The following MTA3 variants were observed in gnomAD, a reference collection of about 807,000 sequenced individuals.
The protein encoded by MTA3 is metastasis-associated protein MTA3.
MTA3 carries 34 observed loss-of-function variants against 83.5 expected under a neutral mutation model. That is an observed-to-expected ratio of 0.41 (90% confidence interval 0.31 to 0.54). The LOEUF is 0.54. Among genes scored for constraint, MTA3 ranks in the 20% least tolerant of loss-of-function variants. The probability of loss-of-function intolerance (pLI) is 0.33; values close to 1 mark genes in which losing one functional copy is unlikely to be tolerated. For missense variants in MTA3, 761 were observed against 726.4 expected (o/e 1.05, Z -0.55); for synonymous variants, 303 against 252.7 (o/e 1.20, Z -1.89).
chr2:42,644,087 A>G, intron 5 of MTA3, 40 bp from the exon 6 acceptor site: 1 of 1,206,718 alleles, frequency 8.3e-7, no homozygotes, highest in South Asian at 1.4e-5. Context: ...AAGAAGTAGA[A>G]GGAATTAAGT....
At chr2:42,670,570 T>C (rs987452748) in intron 8 of MTA3, among the ~76,000 whole-genome samples, 4 of 152,066 alleles carry the variant, frequency 2.6e-5, no homozygotes, top group Admixed American at 2.0e-4. Context: ...TGTTTCAAAG[T>C]TGCTTTCCTT....
intron 2 of MTA3, among the ~76,000 whole-genome samples, chr2:42,524,169 G>A (rs1227039277): frequency 6.6e-6 from 1 of 152,082 alleles, no homozygotes; most frequent in Non-Finnish European, 1.5e-5. Context: ...TCAAGCCATT[G>A]GAGACACAAA....
chr2:42,525,447 G>A (rs749951487), intron 2 of MTA3, among the ~76,000 whole-genome samples: 2 of 129,028 alleles, frequency 1.6e-5, no homozygotes, highest in Non-Finnish European at 3.4e-5. Flanking sequence ...CAATCTGCCC[G>A]TCTCAGCCTC....
intron 16 of MTA3, among the ~76,000 whole-genome samples, chr2:42,749,913 C>T (rs1469001039): frequency 2.0e-5 from 3 of 152,184 alleles, no homozygotes; most frequent in Non-Finnish European, 4.4e-5. Flanking sequence ...TAAGAAAAAA[C>T]AACATACTAT....
At chr2:42,624,899 G>A (rs762829341) in intron 4 of MTA3, among the ~76,000 whole-genome samples, 11 of 152,046 alleles carry the variant, frequency 7.2e-5, no homozygotes, top group East Asian at 1.9e-4. Flanking sequence ...TCCATTCTTC[G>A]CATGTTATCT....
rs775257729 is a variant in MTA3, at chr2:42,531,557, A to T, written c.-141+36303A>T. Reference sequence around the variant, plus strand: ...AACCTCTGCCTCCCGGGTTCAAGCAATTCTCCTGCCTCAGCCTCCCGAGTA... The same window carrying T: ...AACCTCTGCCTCCCGGGTTCAAGCATTTCTCCTGCCTCAGCCTCCCGAGTA... On this transcript the variant is annotated intron_variant, in intron 2 of 17. Coordinates refer to the MTA3 transcript ENST00000405592. Among the ~76,000 whole-genome samples the T allele has an allele frequency of 4.7e-5, 7 of 148,512 alleles. No individual in the cohort carries two copies. In the Admixed American group the frequency reaches 4.8e-4, roughly 10 times the overall value.
chr2:42,651,032 T>C (rs2037884), intron 6 of MTA3, among the ~76,000 whole-genome samples: 120,740 of 152,178 alleles, frequency 0.79, 48,767 homozygotes, highest in African/African-American at 0.94. Flanking sequence ...TATGGTATAG[T>C]CTATTGCTCC....
At chr2:42,531,826 G>C (rs566527467) in intron 2 of MTA3, among the ~76,000 whole-genome samples, 1 of 150,530 alleles carries the variant, frequency 6.6e-6, no homozygotes, top group Admixed American at 6.6e-5. Flanking sequence ...GCACAATCTC[G>C]GCTCACTGCA....
At chr2:42,741,743 T>C (rs1343576553) in intron 16 of MTA3, among the ~76,000 whole-genome samples, 2 of 152,134 alleles carry the variant, frequency 1.3e-5, no homozygotes, top group African/African-American at 2.4e-5. Context: ...TCCCATCTTA[T>C]ATGGGCATGG....
chr2:42,548,586 G>A (rs189089214), intron 2 of MTA3, among the ~76,000 whole-genome samples: 18 of 150,528 alleles, frequency 1.2e-4, no homozygotes, highest in African/African-American at 4.4e-4. Context: ...GAGCCCGGGA[G>A]TTCAAGACCA....
At chr2:42,667,843 A>C (rs1367586734) in intron 8 of MTA3, among the ~76,000 whole-genome samples, 1 of 152,158 alleles carries the variant, frequency 6.6e-6, no homozygotes. Context: ...TGTATATACC[A>C]CATTATGTTA....
intron 3 of MTA3, among the ~76,000 whole-genome samples, chr2:42,603,833 C>G (rs1682881730): frequency 6.6e-6 from 1 of 152,020 alleles, no homozygotes; most frequent in South Asian, 2.1e-4. Flanking sequence ...TCACTGCAAG[C>G]CCCGCCTCCC....
chr2:42,554,445 C>G (rs1479377994), intron 2 of MTA3, among the ~76,000 whole-genome samples: 4 of 152,060 alleles, frequency 2.6e-5, no homozygotes, highest in Non-Finnish European at 5.9e-5. Context: ...TTCCTAAATT[C>G]TGATAAAAGT....
At chr2:42,498,882 C>T (rs1324726576) in intron 2 of MTA3, among the ~76,000 whole-genome samples, 1 of 152,132 alleles carries the variant, frequency 6.6e-6, no homozygotes, top group African/African-American at 2.4e-5. Context: ...GCCCTTGACC[C>T]ATCAGTAACT....
intron 14 of MTA3, among the ~76,000 whole-genome samples, chr2:42,713,718 T>C (rs1023785834): frequency 6.6e-6 from 1 of 152,222 alleles, no homozygotes; most frequent in African/African-American, 2.4e-5. Flanking sequence ...TGTCCCTTGC[T>C]GCTTTTTACT....
intron 15 of MTA3, 120 bp from the exon 16 acceptor site, chr2:42,722,769 C>T: frequency 8.4e-7 from 1 of 1,196,426 alleles, no homozygotes; most frequent in Non-Finnish European, 1.2e-6. Context: ...CCTTGGCTGG[C>T]TCAGGAGGAA....
intron 3 of MTA3, among the ~76,000 whole-genome samples, chr2:42,584,537 T>C (rs1017422842): frequency 1.3e-5 from 2 of 152,124 alleles, no homozygotes; most frequent in African/African-American, 4.8e-5. Flanking sequence ...AGTTGGAGAC[T>C]TCAGTGTATT....
intron 3 of MTA3, among the ~76,000 whole-genome samples, chr2:42,598,782 A>G (rs1233660651): frequency 1.3e-5 from 2 of 152,208 alleles, no homozygotes; most frequent in Non-Finnish European, 2.9e-5. Context: ...TAGCGATTAA[A>G]TGAATAAAAG....
At chr2:42,634,952 T>A (rs1055343863) in intron 4 of MTA3, among the ~76,000 whole-genome samples, 6 of 152,232 alleles carry the variant, frequency 3.9e-5, no homozygotes, top group African/African-American at 1.4e-4. Flanking sequence ...ATGTATTCTT[T>A]CTTGTATAAA....
Sources: gnomAD v4.1 joint callset for allele counts (sites outside exome capture counted in the v4.1 genomes callset) on GRCh38, gnomAD v4.1.1 for gene constraint, MANE v1.5 for transcripts, NCBI Gene and HGNC (gene_info 2026-07-23, HGNC 2026-07-21) for gene names.